Variants in CHD2 observed in about 807,000 individuals in gnomAD.
The protein encoded by CHD2 is chromodomain helicase DNA binding protein 2.
Under a neutral mutation model 243.9 loss-of-function variants are expected in CHD2, and 28 were observed. The ratio of observed to expected loss-of-function variants is 0.11; its 90% CI spans 0.09 to 0.16. The LOEUF (loss-of-function observed/expected upper bound fraction) is 0.16. CHD2 is among the 10% of genes least tolerant of loss of function. CHD2 has a pLI of 1.00. For synonymous variants in CHD2, 775 were observed against 779.0 expected (o/e 0.99, Z 0.09); for missense variants, 1,386 against 2,209.8 (o/e 0.63, Z 7.47).
At chr15:92,909,308 A>C (rs1342852419) in intron 2 of CHD2, among the ~76,000 whole-genome samples, 3 of 152,150 alleles carry the variant, frequency 2.0e-5, no homozygotes, top group Non-Finnish European at 4.4e-5. Flanking sequence ...ATTCCATTCT[A>C]AACTTCCTTT....
chr15:92,977,038 G>T (rs1048130575), intron 20 of CHD2, among the ~76,000 whole-genome samples: 1 of 151,958 alleles, frequency 6.6e-6, no homozygotes, highest in African/African-American at 2.4e-5. Context: ...AGATGCAGAC[G>T]ACATATTATA....
At chr15:93,022,023 C>G (rs1394412218) in intron 38 of CHD2, 2 of 152,206 alleles carry the variant, frequency 1.3e-5, no homozygotes, top group Non-Finnish European at 2.9e-5. Context: ...TTAGGTAGAA[C>G]CAGAGCAGTG....
rs2054515144 is a variant in CHD2, at chr15:93,020,116, A to C, written c.5011A>C (p.Lys1671Gln). 6.2e-7 allele frequency: 1 copy of C among 1,614,042 alleles called. No homozygotes were observed. Among genetic ancestry groups the C allele is most frequent in the African/African-American group, 1.3e-5 (1 of 74,894 alleles). Residue 1671 changes from lysine to glutamine, a missense_variant, in exon 38 of 39, where the codon AAG (lysine) becomes CAG (glutamine). Lys to Gln is a moderately conservative substitution (Grantham distance 53). Coordinates refer to ENST00000394196, the MANE Select transcript of CHD2 (RefSeq NM_001271.4). ...CCATCAGTATGAGCAGCACTGGTAC[A>C]AGGACCACCATTATGGGGACCGGCG... ...RHHQYEQHWY[K>Q]DHHYGDRRHM...
chr15:93,024,857 G>C lies in CHD2; in HGVS notation c.*152G>C, dbSNP rs1171038341. On this transcript the variant is annotated 3_prime_UTR_variant, in exon 39 of 39. Coordinates refer to ENST00000394196, the MANE Select transcript of CHD2 (RefSeq NM_001271.4). ...GGCTGAAGGAGCACTTCAAGGAATG[G>C]GAGGCCTTTCACTGGGTCCAGCTCT... The C allele has an allele frequency of 2.9e-6, 2 of 679,554 alleles. No homozygotes were observed. Among genetic ancestry groups the C allele is most frequent in the African/African-American group, 1.8e-5 (1 of 54,960 alleles). 42.1% of individuals were successfully genotyped at this position (679,554 alleles called of 1,614,324 possible).
chr15:92,963,592 C>A (rs1471233216), intron 16 of CHD2, among the ~76,000 whole-genome samples: 3 of 152,198 alleles, frequency 2.0e-5, no homozygotes, highest in Admixed American at 1.3e-4. Flanking sequence ...CAGTGATCTT[C>A]ATTTCTTCCT....
chr15:92,973,434 A>T (rs990161395), intron 19 of CHD2, among the ~76,000 whole-genome samples: 3 of 152,092 alleles, frequency 2.0e-5, no homozygotes, highest in East Asian at 1.9e-4. Flanking sequence ...CATTTTTTTT[A>T]AAACTTTGAA....
chr15:92,902,060 ATTAT>A (rs1243742047), intron 2 of CHD2: 1 of 395,424 alleles, frequency 2.5e-6, no homozygotes, highest in African/African-American at 2.1e-5. Context: ...TTACATTTAA[ATTAT>A]TTTAAGGTTT....
rs1001148968 is a variant in CHD2, at chr15:92,993,123, T to C, written c.3595+125T>C. ...ATGCCTAGTGATTTCAGGTGTTTAT[T>C]CTGAGCTGCGTTTCTGTGAGCTTAA... On this transcript the variant is annotated intron_variant, in intron 28 of 38. Coordinates refer to ENST00000394196, the MANE Select transcript of CHD2 (RefSeq NM_001271.4). 1.9e-5 allele frequency: 19 copies of C among 981,754 alleles called. No homozygotes were observed. The African/African-American group carries it at 2.3e-4, about 12-fold the overall frequency. The allele number at this position is 981,754 out of a possible 1,614,324, so 60.8% of individuals were successfully genotyped here.
intron 2 of CHD2, among the ~76,000 whole-genome samples, chr15:92,911,904 T>C (rs530517836): frequency 1.0e-3 from 158 of 152,346 alleles, no homozygotes; most frequent in African/African-American, 3.7e-3. Context: ...GTGGGTGTGA[T>C]TGATGCCAGT....
chr15:92,918,780 A>G (rs2052891894), intron 2 of CHD2, among the ~76,000 whole-genome samples: 1 of 151,768 alleles, frequency 6.6e-6, no homozygotes, highest in African/African-American at 2.4e-5. Flanking sequence ...ATATACGTAT[A>G]TATACACATG....
intron 2 of CHD2, among the ~76,000 whole-genome samples, chr15:92,913,675 G>T (rs1327347507): frequency 9.2e-5 from 14 of 152,128 alleles, no homozygotes; most frequent in Admixed American, 9.2e-4. Context: ...AATTTAGGGA[G>T]ATGCCATTTC....
intron 36 of CHD2, among the ~76,000 whole-genome samples, chr15:93,012,808 G>A (rs2054409348): frequency 6.6e-6 from 1 of 152,212 alleles, no homozygotes; most frequent in Non-Finnish European, 1.5e-5. Context: ...CATCTATTTG[G>A]TGTCCTTCCA....
rs2054297570 is a variant in CHD2, at chr15:93,004,633, C to G, written c.4295C>G (p.Ala1432Gly). ...DKKEKPKSGD[A>G]KSSSKSKRSQ... ...TTTTAAAAGCCTAAAAGTGGTGATG[C>G]CAAATCTTCGAGTAAATCAAAGCGA... The change falls in exon 34 of 39, where the codon GCC (alanine) becomes GGC (glycine). Residue 1432 changes from alanine to glycine, a missense_variant. Physicochemically the swap from Ala to Gly is moderately conservative, Grantham distance 60 (BLOSUM62 0). Coordinates refer to ENST00000394196, the MANE Select transcript of CHD2 (RefSeq NM_001271.4). 2 of 1,611,714 alleles carry G rather than the reference C, an allele frequency of 1.2e-6. No homozygotes were observed. Among genetic ancestry groups the G allele is most frequent in the Non-Finnish European group, 1.7e-6 (2 of 1,178,578 alleles).
rs1296322093 is a variant in CHD2, at chr15:93,014,778, T to C, written c.4775T>C (p.Ile1592Thr). 1.1e-5 allele frequency: 17 copies of C among 1,614,056 alleles called. No homozygotes were observed. ...EASGSSRDSL[I>T]SQSHTSHNLH... ...TCAGGCTCCAGCCGGGACTCTCTGA[T>C]ATCTCAGTCCCATACCTCACACAAC... Residue 1592 changes from isoleucine (I) to threonine (T), a missense_variant, in exon 37 of 39, where the codon ATA becomes ACA. Ile to Thr is a moderately conservative substitution (Grantham distance 89). This residue lies in a region of CHD2 where 347 missense variants were observed against 341.6 expected (regional missense o/e 1.02). Transcript: ENST00000394196.
At chr15:92,920,300 CTA>C (rs2052930744) in intron 2 of CHD2, among the ~76,000 whole-genome samples, 3 of 152,120 alleles carry the variant, frequency 2.0e-5, no homozygotes, top group Non-Finnish European at 4.4e-5. Context: ...TACAAATACT[CTA>C]CTCAGAAATA....
At chr15:92,921,570 C>A (rs1040347755) in intron 2 of CHD2, 2 of 152,100 alleles carry the variant, frequency 1.3e-5, no homozygotes, top group East Asian at 3.9e-4. Flanking sequence ...TGTCCATGAA[C>A]AAATAGTGGA....
intron 34 of CHD2, among the ~76,000 whole-genome samples, chr15:93,005,287 G>C (rs895115655): frequency 1.3e-5 from 2 of 152,172 alleles, no homozygotes; most frequent in Non-Finnish European, 2.9e-5. Flanking sequence ...AGTGATGTTT[G>C]AGTTGGGTTC....
chr15:92,901,676 A>G (rs764784503), intron 2 of CHD2: 9 of 361,538 alleles, frequency 2.5e-5, no homozygotes, highest in Admixed American at 1.8e-4. Flanking sequence ...ATACAAGGCA[A>G]ATTTTTTCTT....
intron 37 of CHD2, among the ~76,000 whole-genome samples, chr15:93,017,313 GCCT>G (rs1384377290): frequency 7.6e-6 from 1 of 132,358 alleles, no homozygotes; most frequent in Non-Finnish European, 1.6e-5. Context: ...GCTCTTTGAT[GCCT>G]TTAAACACTT....
Sources: allele counts gnomAD v4.1 joint callset (sites outside exome capture counted in the v4.1 genomes callset), GRCh38; gene constraint gnomAD v4.1.1; regional missense constraint gnomAD v4.1.1; transcripts MANE v1.5; gene names NCBI Gene and HGNC (gene_info 2026-07-23, HGNC 2026-07-21).